The following GRIP1 variants were observed in gnomAD, a reference collection of about 807,000 sequenced individuals.
The protein encoded by GRIP1 is glutamate receptor interacting protein 1.
GRIP1 carries 45 observed loss-of-function variants against 129.9 expected under a neutral mutation model. The observed-to-expected ratio is 0.35, with a 90% CI of 0.27 to 0.44. The LOEUF is 0.44. Ranked by LOEUF, GRIP1 falls within the 20% of genes least tolerant of loss-of-function variation. The probability of loss-of-function intolerance (pLI) is 1.00; values close to 1 mark genes in which losing one functional copy is unlikely to be tolerated. For missense variants in GRIP1, 1,196 were observed against 1,396.8 expected, an observed-to-expected ratio of 0.86 and a Z score of 2.29; for synonymous variants, 530 against 520.8, an observed-to-expected ratio of 1.02 and a Z score of -0.24.
chr12:66,813,553 T>G (rs1425483599), intron 1 of GRIP1, among the ~76,000 whole-genome samples: 1 of 152,080 alleles, frequency 6.6e-6, no homozygotes, highest in African/African-American at 2.4e-5. Flanking sequence ...TATATTTGAA[T>G]GGGGAGAGCT....
chr12:66,406,470 C>T, intron 15 of GRIP1, 42 bp from the exon 16 acceptor site: 1 of 1,591,658 alleles, frequency 6.3e-7, no homozygotes, highest in Non-Finnish European at 8.6e-7. Flanking sequence ...ATGATGAGCA[C>T]TTAACTAGGC....
chr12:66,964,670 C>T (rs1247407195), intron 1 of GRIP1, among the ~76,000 whole-genome samples: 2 of 152,130 alleles, frequency 1.3e-5, no homozygotes, highest in African/African-American at 4.8e-5. Flanking sequence ...TAAACCTTCC[C>T]CAGAGAGTAG....
intron 7 of GRIP1, among the ~76,000 whole-genome samples, chr12:66,510,470 C>G (rs576695105): frequency 1.3e-5 from 2 of 152,202 alleles, no homozygotes; most frequent in African/African-American, 2.4e-5. Flanking sequence ...TGAACTCCCC[C>G]CAAAATACTC....
intron 1 of GRIP1, among the ~76,000 whole-genome samples, chr12:66,620,010 C>G (rs1378526125): frequency 1.3e-5 from 2 of 152,160 alleles, no homozygotes; most frequent in Non-Finnish European, 2.9e-5. Context: ...ACATCCATTA[C>G]TTCATTTGAT....
chr12:66,411,098 G>T (rs1179785016), intron 15 of GRIP1, among the ~76,000 whole-genome samples: 1 of 152,148 alleles, frequency 6.6e-6, no homozygotes, highest in Non-Finnish European at 1.5e-5. Context: ...TGGGTGGTCT[G>T]GATGAGGGTG....
intron 2 of GRIP1, among the ~76,000 whole-genome samples, chr12:66,544,617 C>G (rs1390276308): frequency 3.9e-5 from 6 of 152,182 alleles, no homozygotes; most frequent in Non-Finnish European, 8.8e-5. Context: ...TTAGGCAAAA[C>G]TCAGGAGTAA....
chr12:66,916,361 C>G (rs2137336798), intron 1 of GRIP1, among the ~76,000 whole-genome samples: 1 of 152,208 alleles, frequency 6.6e-6, no homozygotes, highest in Non-Finnish European at 1.5e-5. Flanking sequence ...AGAGAAGAAC[C>G]TGGTGTTCAT....
chr12:66,931,924 C>CA (rs1180453544), intron 1 of GRIP1, among the ~76,000 whole-genome samples: 3 of 152,104 alleles, frequency 2.0e-5, no homozygotes, highest in Non-Finnish European at 4.4e-5. Flanking sequence ...AGGCTTCTTA[C>CA]AACCAAACAA....
intron 1 of GRIP1, among the ~76,000 whole-genome samples, chr12:67,005,785 T>C (rs565376685): frequency 1.8e-4 from 27 of 152,260 alleles, no homozygotes; most frequent in African/African-American, 4.6e-4. Context: ...AAAAAGATTA[T>C]CCATCTTGCC....
chr12:67,017,633 C>T (rs892454793), intron 1 of GRIP1, among the ~76,000 whole-genome samples: 1 of 152,154 alleles, frequency 6.6e-6, no homozygotes, highest in African/African-American at 2.4e-5. Flanking sequence ...TGTAATTTGT[C>T]TTGACCAAGA....
At position 66,522,225 on chromosome 12, in the gene GRIP1, G is replaced by A. The variant is rs550032316; in HGVS notation, c.503-4249C>T. On this transcript the variant is annotated intron_variant, in intron 5 of 24. Transcript: ENST00000359742. ...CTCCTCAAGTGGGTCCCTGACCCCCGAGCAGACTAACTGGGAGGCACCCCC... is the reference window on the plus strand; with the variant it reads ...CTCCTCAAGTGGGTCCCTGACCCCCAAGCAGACTAACTGGGAGGCACCCCC... Among the ~76,000 whole-genome samples the A allele has an allele frequency of 3.3e-5, 5 of 152,322 alleles. No individual in the cohort carries two copies. The East Asian group carries it at 5.8e-4, about 18-fold the overall frequency.
At chr12:66,716,556 A>C (rs1451218420) in intron 1 of GRIP1, among the ~76,000 whole-genome samples, 1 of 151,438 alleles carries the variant, frequency 6.6e-6, no homozygotes, top group Non-Finnish European at 1.5e-5. Context: ...ATTATACTTT[A>C]AGTTTTAGGG....
At chr12:66,794,778 T>A (rs148407351) in intron 1 of GRIP1, among the ~76,000 whole-genome samples, 9 of 152,304 alleles carry the variant, frequency 5.9e-5, no homozygotes, top group African/African-American at 2.2e-4. Flanking sequence ...ATCTTCCAAA[T>A]AGTGCTAAAA....
At chr12:66,802,644 C>T (rs2038890982) in intron 1 of GRIP1, among the ~76,000 whole-genome samples, 1 of 152,020 alleles carries the variant, frequency 6.6e-6, no homozygotes, top group Non-Finnish European at 1.5e-5. Context: ...ATGGTACAAA[C>T]CTGAGATGGT....
intron 1 of GRIP1, among the ~76,000 whole-genome samples, chr12:66,793,490 G>A (rs1274548143): frequency 2.0e-5 from 3 of 152,176 alleles, no homozygotes; most frequent in Admixed American, 6.5e-5. Flanking sequence ...AGAGTGTAAG[G>A]TAAATTCTCC....
At chr12:66,947,756 C>T (rs1009803664) in intron 1 of GRIP1, among the ~76,000 whole-genome samples, 1 of 152,328 alleles carries the variant, frequency 6.6e-6, no homozygotes, top group Middle Eastern at 3.4e-3. Flanking sequence ...TAAAACTTCT[C>T]CTGCGACAGG....
chr12:66,506,930 T>C (rs906443976), intron 7 of GRIP1, among the ~76,000 whole-genome samples: 1 of 152,126 alleles, frequency 6.6e-6, no homozygotes, highest in Non-Finnish European at 1.5e-5. Flanking sequence ...AATTTTTATC[T>C]TAGAAAAATA....
At chr12:66,927,634 C>T (rs192592026) in intron 1 of GRIP1, among the ~76,000 whole-genome samples, 53 of 152,254 alleles carry the variant, frequency 3.5e-4, no homozygotes, top group African/African-American at 1.2e-3. Flanking sequence ...AATTAGGACT[C>T]ATGAATAAAA....
At chr12:66,670,780 T>C (rs1258766648) in intron 1 of GRIP1, among the ~76,000 whole-genome samples, 2 of 152,160 alleles carry the variant, frequency 1.3e-5, no homozygotes, top group African/African-American at 4.8e-5. Context: ...GGGGCTGAAG[T>C]GATGACAGTC....
Sources: allele counts gnomAD v4.1 joint callset (sites outside exome capture counted in the v4.1 genomes callset), GRCh38; gene constraint gnomAD v4.1.1; transcripts MANE v1.5; gene names NCBI Gene and HGNC (gene_info 2026-07-23, HGNC 2026-07-21).